The following ITGAE variants were observed in gnomAD, a reference collection of about 807,000 sequenced individuals.
The protein encoded by ITGAE is integrin alpha-E.
A neutral mutation model predicts 136.5 loss-of-function variants in ITGAE; 99 were observed. The ratio of observed to expected loss-of-function variants is 0.73; its 90% CI spans 0.62 to 0.86. ITGAE has a LOEUF of 0.86. ITGAE is among the 40% of genes least tolerant of loss of function. The pLI is 0.00. For synonymous variants in ITGAE, 613 were observed against 591.8 expected (o/e 1.04, Z -0.52); for missense variants, 1,447 against 1,515.3 (o/e 0.95, Z 0.75).
At chr17:3,781,384 G>A (rs2052663829) in intron 1 of ITGAE, among the ~76,000 whole-genome samples, 1 of 147,534 alleles carries the variant, frequency 6.8e-6, no homozygotes, top group Non-Finnish European at 1.5e-5. Flanking sequence ...AAGTCTCGCT[G>A]AGCCGCCCAG....
intron 21 of ITGAE, among the ~76,000 whole-genome samples, chr17:3,733,453 G>A (rs771052131): frequency 1.3e-5 from 2 of 152,040 alleles, no homozygotes; most frequent in Non-Finnish European, 2.9e-5. Context: ...ACAGAGTCCT[G>A]CTCTGTTGCC....
chr17:3,716,082 G>A (rs969856942), intron 30 of ITGAE, among the ~76,000 whole-genome samples: 4 of 151,858 alleles, frequency 2.6e-5, no homozygotes, highest in Admixed American at 2.6e-4. Context: ...TCTTGAACCC[G>A]GGGTCAGGGT....
chr17:3,729,272 C>T (rs1012580714), intron 24 of ITGAE: 1 of 546,178 alleles, frequency 1.8e-6, no homozygotes, highest in African/African-American at 1.9e-5. Flanking sequence ...GGCAATACAC[C>T]TCCTTTGATG....
chr17:3,758,495 A>C (rs1007609833), intron 8 of ITGAE, among the ~76,000 whole-genome samples: 1 of 152,094 alleles, frequency 6.6e-6, no homozygotes, highest in African/African-American at 2.4e-5. Flanking sequence ...TCTGTCACCC[A>C]GGCTGGAGTG....
At chr17:3,769,801 A>T (rs2143212669) in intron 2 of ITGAE, among the ~76,000 whole-genome samples, 1 of 151,818 alleles carries the variant, frequency 6.6e-6, no homozygotes, top group Non-Finnish European at 1.5e-5. Context: ...CTCCTGCCTT[A>T]GCCTCTGCCT....
At chr17:3,761,866 C>G (rs220471) in intron 4 of ITGAE, 49 bp downstream of exon 4, 1,026,553 of 1,523,860 alleles carry the variant, frequency 0.67, 358,559 homozygotes, top group African/African-American at 0.8. Context: ...ACCACGAGGG[C>G]TAGCACCAGC....
intron 1 of ITGAE, 90 bp downstream of exon 1, chr17:3,801,021 A>G: frequency 6.9e-7 from 1 of 1,446,034 alleles, no homozygotes; most frequent in Non-Finnish European, 9.7e-7. Context: ...GAGCCCCATC[A>G]GAGACAGACA....
intron 26 of ITGAE, chr17:3,726,609 C>T: frequency 2.5e-6 from 1 of 406,432 alleles, no homozygotes; most frequent in Non-Finnish European, 4.4e-6. Flanking sequence ...AGGAGGATCG[C>T]TTGAGCCCAA....
chr17:3,797,445 T>G (rs8074542), intron 1 of ITGAE, among the ~76,000 whole-genome samples: 128,374 of 146,040 alleles, frequency 0.88, 57,088 homozygotes, highest in African/African-American at 0.96. Flanking sequence ...GATTACAGGC[T>G]TGAGCCACTG....
At chr17:3,761,630 G>A (rs1288522769) in intron 4 of ITGAE, 110 bp from the exon 5 acceptor site, 4 of 1,033,096 alleles carry the variant, frequency 3.9e-6, no homozygotes, top group East Asian at 2.5e-5. Context: ...CAGGCAGGGG[G>A]CACAGGAAGA....
intron 26 of ITGAE, 125 bp from the exon 27 acceptor site, chr17:3,723,869 C>A: frequency 1.3e-6 from 2 of 1,514,300 alleles, no homozygotes; most frequent in Non-Finnish European, 1.8e-6. Context: ...CCGCGGCAGG[C>A]GGGCGCGTCC....
rs576525552 is a variant in ITGAE at position 3,799,890 on chromosome 17, C to T, written c.34+1221G>A. On this transcript the variant is annotated intron_variant, in intron 1 of 30. Transcript: ENST00000263087. The surrounding 1 kb of genome is among the most constrained non-coding windows in gnomAD (Gnocchi z 4.1). ...CTGTAGTCCCAACACTTTGGGAGGC[C>T]GAGGCAGGTCGATCACCTGAGGGCA... Among the ~76,000 whole-genome samples, 13 of 152,110 alleles carry T rather than the reference C, an allele frequency of 8.5e-5. No individual in the cohort carries two copies. Among genetic ancestry groups the T allele is most frequent in the East Asian group, 1.9e-4 (1 of 5,170 alleles).
At position 3,728,823 on chromosome 17, in the gene ITGAE, G is replaced by C. The variant is rs369928931; in HGVS notation, c.2912+655C>G. Among the ~76,000 whole-genome samples the C allele has an allele frequency of 1.7e-3, 250 of 151,486 alleles. 1 individual carries two copies. Among genetic ancestry groups the C allele is most frequent in the African/African-American group, 5.9e-3 (245 of 41,372 alleles). ...GAGGCAGGCGGATCACCTGAGGCCAGGAGTTCAAGACCAGCCTGGCCAACA... is the reference window on the plus strand; with the variant it reads ...GAGGCAGGCGGATCACCTGAGGCCACGAGTTCAAGACCAGCCTGGCCAACA... On this transcript the variant is annotated intron_variant, in intron 24 of 30. Transcript: ENST00000263087.
At chr17:3,737,358 C>G (rs1268258082) in intron 20 of ITGAE, among the ~76,000 whole-genome samples, 1 of 151,578 alleles carries the variant, frequency 6.6e-6, no homozygotes, top group Middle Eastern at 3.2e-3. Context: ...GACAGTAAAG[C>G]AAATGAAACG....
At chr17:3,789,795 C>A (rs1399687157) in intron 1 of ITGAE, among the ~76,000 whole-genome samples, 1 of 152,108 alleles carries the variant, frequency 6.6e-6, no homozygotes, top group Non-Finnish European at 1.5e-5. Context: ...GCCACCTCAC[C>A]CAGCCTTAAA....
chr17:3,781,860 A>G (rs1439306638), intron 1 of ITGAE, among the ~76,000 whole-genome samples: 7 of 151,942 alleles, frequency 4.6e-5, no homozygotes, highest in African/African-American at 1.7e-4. Context: ...CTCTGTCAGG[A>G]CTCAGCTCTG....
chr17:3,796,344 C>G (rs1279732796), intron 1 of ITGAE, among the ~76,000 whole-genome samples: 1 of 152,128 alleles, frequency 6.6e-6, no homozygotes, highest in Non-Finnish European at 1.5e-5. Flanking sequence ...GAAACCACCT[C>G]CTGTTGCATT....
At chr17:3,750,977 A>T (rs1313552033) in intron 15 of ITGAE, among the ~76,000 whole-genome samples, 2 of 150,804 alleles carry the variant, frequency 1.3e-5, no homozygotes, top group Non-Finnish European at 3.0e-5. Flanking sequence ...GTGGGGATAG[A>T]GAGAAGGGGC....
intron 8 of ITGAE, among the ~76,000 whole-genome samples, chr17:3,758,350 A>G (rs1013794659): frequency 1.3e-5 from 2 of 152,060 alleles, no homozygotes; most frequent in Non-Finnish European, 2.9e-5. Flanking sequence ...GGCTCAAGCA[A>G]TCCTCCTGCC....
Sources: gnomAD v4.1 joint callset for allele counts (sites outside exome capture counted in the v4.1 genomes callset) on GRCh38, gnomAD v4.1.1 for gene constraint, Gnocchi (gnomAD v3.1) non-coding constraint, MANE v1.5 for transcripts, NCBI Gene and HGNC (gene_info 2026-07-23, HGNC 2026-07-21) for gene names.